NEBL: variants seen among roughly 807,000 people sequenced by gnomAD.
NEBL encodes nebulette, also known as LIM and SH3 protein 2.
A neutral mutation model predicts 140.2 loss-of-function variants in NEBL; 122 were observed. The ratio of observed to expected loss-of-function variants is 0.87; its 90% confidence interval spans 0.75 to 1.01. The LOEUF (loss-of-function observed/expected upper bound fraction) is 1.01. NEBL is among the 50% of genes least tolerant of loss of function. NEBL has a pLI of 0.00. For missense variants in NEBL, 1,365 were observed against 1,231.3 expected, an observed-to-expected ratio of 1.11 and a Z score of -1.62; for synonymous variants, 436 against 398.9, an observed-to-expected ratio of 1.09 and a Z score of -1.11.
At chr10:21,070,125 C>A in intron 2 of NEBL, 2 of 380,826 alleles carry the variant, frequency 5.3e-6, no homozygotes, top group South Asian at 2.0e-5. Flanking sequence ...TTTCGGGAGG[C>A]AAAATAGCAT....
intron 2 of NEBL, among the ~76,000 whole-genome samples, chr10:21,162,064 A>G (rs369211623): frequency 6.6e-6 from 1 of 152,338 alleles, no homozygotes; most frequent in African/African-American, 2.4e-5. Flanking sequence ...CACATCACCA[A>G]TGAGTCAATC....
intron 7 of NEBL, among the ~76,000 whole-genome samples, chr10:20,860,506 G>T (rs983982976): frequency 4.4e-5 from 5 of 114,078 alleles, no homozygotes; most frequent in Non-Finnish European, 8.5e-5. Flanking sequence ...TCCATGTATA[G>T]AGAAATATGA....
intron 1 of NEBL, among the ~76,000 whole-genome samples, chr10:21,285,807 ACTCCT>A (rs1843047189): frequency 6.6e-6 from 1 of 152,130 alleles, no homozygotes; most frequent in Non-Finnish European, 1.5e-5. Flanking sequence ...CAAAGGAGTC[ACTCCT>A]GTGACTCATG....
chr10:21,056,126 TG>T (rs1835014966), intron 2 of NEBL, among the ~76,000 whole-genome samples: 1 of 152,230 alleles, frequency 6.6e-6, no homozygotes, highest in Non-Finnish European at 1.5e-5. Flanking sequence ...CTCTGCATCA[TG>T]ATGTAGGATG....
chr10:21,116,355 C>CA (rs1036604979), intron 2 of NEBL, among the ~76,000 whole-genome samples: 101 of 151,844 alleles, frequency 6.7e-4, no homozygotes, highest in African/African-American at 2.4e-3. Flanking sequence ...ACGGTACACG[C>CA]AAAAAAGGTA....
intron 2 of NEBL, chr10:21,069,966 A>G (rs1475815048): frequency 2.2e-6 from 1 of 456,110 alleles, no homozygotes; most frequent in East Asian, 6.9e-5. Flanking sequence ...CGGCTTAGGG[A>G]CTGCGCCCCT....
At position 21,012,161 on chromosome 10, in the gene NEBL, G is replaced by T. The variant is rs550058121; in HGVS notation, c.249+7956C>A. Among the ~76,000 whole-genome samples the T allele has an allele frequency of 2.0e-5, 3 of 152,044 alleles. No homozygotes were observed. The East Asian group carries it at 5.9e-4, about 30-fold the overall frequency. ...CAGTCTCCGATTTTCTGCTTGCTTC[G>T]TACAATCTACCATGGCCAGAAGTGG... is the stretch of plus-strand genomic sequence containing the variant. On this transcript the variant is annotated intron_variant, in intron 3 of 6. Transcript: ENST00000417816.
intron 2 of NEBL, among the ~76,000 whole-genome samples, chr10:21,085,024 G>A (rs1481674583): frequency 3.3e-5 from 5 of 152,144 alleles, no homozygotes; most frequent in Non-Finnish European, 5.9e-5. Flanking sequence ...CTAGCCTATG[G>A]TAGTGTCACT....
At chr10:21,201,400 T>G (rs956594283) in intron 3 of NEBL, among the ~76,000 whole-genome samples, 2 of 152,184 alleles carry the variant, frequency 1.3e-5, no homozygotes, top group African/African-American at 4.8e-5. Flanking sequence ...AAAAGAATCT[T>G]TCCTAGGTGC....
At chr10:20,815,099 T>G (rs953561357) in intron 22 of NEBL, among the ~76,000 whole-genome samples, 2 of 152,350 alleles carry the variant, frequency 1.3e-5, no homozygotes, top group African/African-American at 4.8e-5. Context: ...GAAGCCCTGA[T>G]ATTCACTAAG....
intron 2 of NEBL, among the ~76,000 whole-genome samples, chr10:21,092,616 A>ATAATAC (rs1273424765): frequency 6.8e-6 from 1 of 146,764 alleles, no homozygotes; most frequent in Non-Finnish European, 1.5e-5. Context: ...AATAATAATA[A>ATAATAC]TAATAATAAT....
intron 3 of NEBL, among the ~76,000 whole-genome samples, chr10:20,975,890 A>G (rs1836773247): frequency 2.0e-5 from 3 of 152,056 alleles, no homozygotes; most frequent in African/African-American, 7.2e-5. Context: ...AGTCAAGAAA[A>G]ACAAAAAGAA....
At chr10:20,881,499 A>G (rs1474904793) in intron 4 of NEBL, among the ~76,000 whole-genome samples, 1 of 152,232 alleles carries the variant, frequency 6.6e-6, no homozygotes, top group Admixed American at 6.5e-5. Flanking sequence ...GATATGAGAA[A>G]GATATCTCAG....
intron 2 of NEBL, among the ~76,000 whole-genome samples, chr10:21,031,601 A>T (rs992122743): frequency 2.6e-5 from 4 of 152,334 alleles, no homozygotes. Context: ...ACCTCCTCCA[A>T]TGCCTAGAAA....
At chr10:20,983,586 G>C (rs1051453868) in intron 3 of NEBL, among the ~76,000 whole-genome samples, 4 of 152,200 alleles carry the variant, frequency 2.6e-5, no homozygotes, top group African/African-American at 9.7e-5. Flanking sequence ...TCTGTCCATA[G>C]GTATTCACAA....
At chr10:21,028,250 A>ATAG (rs1235069660) in intron 2 of NEBL, among the ~76,000 whole-genome samples, 1 of 146,942 alleles carries the variant, frequency 6.8e-6, no homozygotes, top group African/African-American at 2.5e-5. Flanking sequence ...AAAAAAAAAA[A>ATAG]AAAAAAGAAG....
chr10:21,196,506 G>A (rs192745798), intron 3 of NEBL, among the ~76,000 whole-genome samples: 6 of 151,426 alleles, frequency 4.0e-5, no homozygotes, highest in East Asian at 3.9e-4. Context: ...CACTAAACCC[G>A]GCTAATTTTT....
At chr10:21,258,380 C>G (rs1842692856) in intron 1 of NEBL, among the ~76,000 whole-genome samples, 3 of 152,252 alleles carry the variant, frequency 2.0e-5, no homozygotes, top group Admixed American at 2.0e-4. Flanking sequence ...ACCAGCCTGG[C>G]CAACATGGTG....
chr10:21,234,242 G>A (rs1303723419), intron 3 of NEBL, among the ~76,000 whole-genome samples: 2 of 152,066 alleles, frequency 1.3e-5, no homozygotes, highest in East Asian at 3.9e-4. Flanking sequence ...ATGTTGAAAT[G>A]TAATCCCCGG....
Sources: gnomAD v4.1 joint callset for allele counts (sites outside exome capture counted in the v4.1 genomes callset) on GRCh38, gnomAD v4.1.1 for gene constraint, MANE v1.5 for transcripts, NCBI Gene and HGNC (gene_info 2026-07-23, HGNC 2026-07-21) for gene names.